Variants in SPATC1 observed in about 807,000 individuals in gnomAD.
The protein encoded by SPATC1 is spermatogenesis and centriole associated 1, also known as speriolin.
Under a neutral mutation model 36.5 loss-of-function variants are expected in SPATC1, and 35 were observed. That is an observed-to-expected ratio of 0.96 (90% confidence interval 0.73 to 1.27). SPATC1 has a LOEUF of 1.27. Ranked by LOEUF, SPATC1 falls within the 50% of genes most tolerant of loss-of-function variation. SPATC1 has a pLI of 0.00. For synonymous variants in SPATC1, 361 were observed against 353.6 expected (o/e 1.02, Z -0.24); for missense variants, 779 against 796.0 (o/e 0.98, Z 0.26).
chr8:144,023,578 T>A (rs1426160869), intron 1 of SPATC1, among the ~76,000 whole-genome samples: 118,453 of 118,460 alleles, frequency 1, 59,223 homozygotes, highest in Middle Eastern at 1. Context: ...CTCACGACCT[T>A]TCCTATTCCC....
intron 1 of SPATC1, among the ~76,000 whole-genome samples, chr8:144,037,141 AGGTGGGGGGGTC>A (rs1834918116): frequency 3.2e-5 from 3 of 92,434 alleles, no homozygotes; most frequent in African/African-American, 1.5e-4. Flanking sequence ...TCCGGGAGGG[AGGTGGGGGGGTC>A]AGCCCCCCAC....
Position 144,040,783 on chromosome 8 carries a change from A to AC in SPATC1, c.984dup (p.Ser329LeufsTer42). On this transcript the variant is annotated frameshift_variant, in exon 3 of 5. Coordinates refer to ENST00000377470, the MANE Select transcript of SPATC1 (RefSeq NM_198572.3). LOFTEE classifies it high-confidence loss of function. ...TGCATCTGTCCCCACCTCCCCCACC[A>AC]CCTCCCCCACGGTCACCGTCCTTGC... The AC allele has an allele frequency of 1.3e-6, 1 of 788,930 alleles. No individual in the cohort carries two copies. Among genetic ancestry groups the AC allele is most frequent in the Non-Finnish European group, 1.6e-6 (1 of 611,908 alleles). 48.9% of individuals were successfully genotyped at this position (788,930 alleles called of 1,614,324 possible). A position where few individuals can be genotyped will look rare whatever the true frequency, so the allele number is the denominator to read the frequency against.
Position 144,016,697 on chromosome 8 carries a change from G to T in SPATC1, c.211+3971G>T, listed in dbSNP as rs145816689. On this transcript the variant is annotated intron_variant, in intron 1 of 4. Coordinates refer to ENST00000377470, the MANE Select transcript of SPATC1 (RefSeq NM_198572.3). The surrounding 1 kb of genome is among the most constrained non-coding windows in gnomAD (Gnocchi z 4.5). ...GTTGCCCAGGCTGGAGTGCAATGGC[G>T]CAATCTCGGCTCACCGCAACCTCCA... is the stretch of plus-strand genomic sequence containing the variant. Among the ~76,000 whole-genome samples, 2 of 152,068 alleles carry T rather than the reference G, an allele frequency of 1.3e-5. No homozygotes were observed. The highest frequency in any genetic ancestry group is 2.1e-4 in the South Asian group (1 of 4,830).
At chr8:144,037,507 C>T (rs958234504) in intron 1 of SPATC1, among the ~76,000 whole-genome samples, 30 of 152,082 alleles carry the variant, frequency 2.0e-4, no homozygotes, top group African/African-American at 6.5e-4. Flanking sequence ...GTGACCTTAC[C>T]CCCAACCCTG....
In SPATC1 at chr8:144,027,084, A is replaced by G. The variant is rs937355719; in HGVS notation, c.212-12825A>G. 3.0e-4 allele frequency among the ~76,000 whole-genome samples: 44 copies of G among 145,234 alleles called. 1 individual carries two copies. Among genetic ancestry groups the G allele is most frequent in the African/African-American group, 9.3e-4 (36 of 38,768 alleles). On this transcript the variant is annotated intron_variant, in intron 1 of 4. Coordinates refer to ENST00000377470, the MANE Select transcript of SPATC1 (RefSeq NM_198572.3). ...CCTGGCCCCATGATCCGCCTGCCTC[A>G]GCCTCCCAAACTGCTGGGATTACAG...
intron 1 of SPATC1, among the ~76,000 whole-genome samples, chr8:144,039,037 T>C (rs1439351353): frequency 6.6e-6 from 1 of 152,244 alleles, no homozygotes; most frequent in Non-Finnish European, 1.5e-5. Flanking sequence ...ATGATGGAAC[T>C]ATCTGTGGCT....
chr8:144,038,503 A>G (rs7835415), intron 1 of SPATC1, among the ~76,000 whole-genome samples: 48,912 of 149,674 alleles, frequency 0.33, 9,800 homozygotes, highest in African/African-American at 0.57. Context: ...TCACTCTGTC[A>G]CCCAGGCTGG....
At chr8:144,043,998 C>T (rs1257329375) in intron 4 of SPATC1, among the ~76,000 whole-genome samples, 1 of 152,202 alleles carries the variant, frequency 6.6e-6, no homozygotes, top group Non-Finnish European at 1.5e-5. Context: ...CTTCTCTCAT[C>T]CTTCACACCT....
At chr8:144,022,738 ACCC>A (rs1834564114) in intron 1 of SPATC1, among the ~76,000 whole-genome samples, 1 of 148,642 alleles carries the variant, frequency 6.7e-6, no homozygotes, top group African/African-American at 2.5e-5. Context: ...TCCCCTCAGG[ACCC>A]TCTTCCCTTA....
In SPATC1 at chr8:144,041,006, C is replaced by T. The variant is rs1835077968; in HGVS notation, c.1205C>T (p.Ser402Phe). 6.2e-7 allele frequency: 1 copy of T among 1,612,388 alleles called. No homozygotes were observed. Among genetic ancestry groups the T allele is most frequent in the African/African-American group, 1.3e-5 (1 of 74,832 alleles). ...TSSSPASVND[S>F]RGPRTTEPST... ...TCCTCCCCGGCTTCAGTCAATGACTCTCGAGGTCCACGCACCACAGAACCG... is the reference window on the plus strand; with the variant it reads ...TCCTCCCCGGCTTCAGTCAATGACTTTCGAGGTCCACGCACCACAGAACCG... The change falls in exon 3 of 5, where the codon TCT becomes TTT. Residue 402 changes from serine to phenylalanine, a missense_variant. Coordinates refer to ENST00000377470, the MANE Select transcript of SPATC1 (RefSeq NM_198572.3).
intron 1 of SPATC1, among the ~76,000 whole-genome samples, chr8:144,021,136 C>T (rs1834518578): frequency 1.5e-4 from 1 of 6,556 alleles, no homozygotes; most frequent in Non-Finnish European, 2.8e-4. Context: ...TTCTCTCCCT[C>T]AGGACCCTCT....
In SPATC1 at chr8:144,045,308, C is replaced by T. The variant is rs552929437; in HGVS notation, c.1447-1319C>T. ...GGGAGAGACAGGCGCATCCCAGGCA[C>T]GTCCCAGGCAACAGGGGTGCTGAGC... is the stretch of plus-strand genomic sequence containing the variant. On this transcript the variant is annotated intron_variant, in intron 4 of 4. Coordinates refer to ENST00000377470, the MANE Select transcript of SPATC1 (RefSeq NM_198572.3). This position sits in a 1 kb window ranked among gnomAD's most constrained non-coding sequence, Gnocchi z 5.2. 6.6e-5 allele frequency among the ~76,000 whole-genome samples: 10 copies of T among 152,348 alleles called. No homozygotes were observed. Among genetic ancestry groups the T allele is most frequent in the African/African-American group, 2.4e-4 (10 of 41,572 alleles).
At chr8:144,034,113 C>T (rs1032291420) in intron 1 of SPATC1, among the ~76,000 whole-genome samples, 1 of 152,256 alleles carries the variant, frequency 6.6e-6, no homozygotes, top group Non-Finnish European at 1.5e-5. Context: ...TTTACAGGGC[C>T]CTGCCCAGTT....
intron 1 of SPATC1, among the ~76,000 whole-genome samples, chr8:144,036,274 G>C (rs1367255774): frequency 6.6e-6 from 1 of 152,110 alleles, no homozygotes; most frequent in Non-Finnish European, 1.5e-5. Context: ...TAAAAGAGCA[G>C]CTGACTGGAT....
intron 4 of SPATC1, among the ~76,000 whole-genome samples, chr8:144,043,753 G>A (rs1835180223): frequency 6.7e-6 from 1 of 150,208 alleles, no homozygotes; most frequent in Non-Finnish European, 1.5e-5. Flanking sequence ...GGGGTTTTTG[G>A]CTGTCTTTGG....
intron 1 of SPATC1, among the ~76,000 whole-genome samples, chr8:144,035,553 A>T (rs1834881921): frequency 6.6e-6 from 1 of 152,148 alleles, no homozygotes; most frequent in Non-Finnish European, 1.5e-5. Flanking sequence ...TTGCTCCCTC[A>T]GTTACCTTCT....
Position 144,044,451 on chromosome 8 carries a change from G to A in SPATC1, c.1447-2176G>A, listed in dbSNP as rs577129740. ...CAAGTAGCTGGGACTACAGGCGCCC[G>A]CCACCACGCCCAGCTAATTTTTTTT... On this transcript the variant is annotated intron_variant, in intron 4 of 4. Transcript: ENST00000377470. 4.7e-5 allele frequency among the ~76,000 whole-genome samples: 7 copies of A among 150,534 alleles called. No homozygotes were observed. In the South Asian group the frequency reaches 6.3e-4, roughly 14 times the overall value.
Position 144,047,114 on chromosome 8 carries a change from A to G in SPATC1, c.*158A>G. ...CCGGGCCCCGGCACCGTGCCCCTTC[A>G]GCCCTGTCTGCCCTGGAGGTCAATG... On this transcript the variant is annotated 3_prime_UTR_variant, in exon 5 of 5. Transcript: ENST00000377470. This position sits in a 1 kb window ranked among gnomAD's most constrained non-coding sequence, Gnocchi z 4.1. The G allele has an allele frequency of 1.2e-6, 1 of 830,016 alleles. No individual in the cohort carries two copies. The highest frequency in any genetic ancestry group is 1.8e-6 in the Non-Finnish European group (1 of 545,136). The allele number at this position is 830,016 out of a possible 1,614,324, so 51.4% of individuals were successfully genotyped here.
chr8:144,029,350 C>T (rs900539776), intron 1 of SPATC1, among the ~76,000 whole-genome samples: 2 of 151,854 alleles, frequency 1.3e-5, no homozygotes, highest in Non-Finnish European at 2.9e-5. Flanking sequence ...GGGCAGATCA[C>T]GTGAGGTCAG....
Sources: allele counts gnomAD v4.1 joint callset (sites outside exome capture counted in the v4.1 genomes callset), GRCh38; gene constraint gnomAD v4.1.1; non-coding constraint Gnocchi (gnomAD v3.1); transcripts MANE v1.5; gene names NCBI Gene and HGNC (gene_info 2026-07-23, HGNC 2026-07-21).